Variants in SLC17A1 observed in about 807,000 individuals in gnomAD.
SLC17A1 encodes the protein solute carrier family 17 member 1, also known as sodium-dependent phosphate transport protein 1.
In SLC17A1, 51 loss-of-function variants were observed where a neutral mutation model predicts 53.5. That is an observed-to-expected ratio of 0.95 (90% CI 0.76 to 1.20). SLC17A1 has a LOEUF of 1.20. Ranked by LOEUF, SLC17A1 falls within the 50% of genes most tolerant of loss-of-function variation. The pLI is 0.00. For synonymous variants in SLC17A1, 179 were observed against 198.8 expected (o/e 0.90, Z 0.84); for missense variants, 538 against 568.2 (o/e 0.95, Z 0.54).
At chr6:25,726,274 T>C in the SLC17A1 span, 2 of 1,614,136 alleles carry the variant, frequency 1.2e-6, no homozygotes, top group Non-Finnish European at 1.7e-6. Flanking sequence ...GATCGCTAGC[T>C]GCAGGTGGCG....
At chr6:25,791,002 T>C (rs1420301256) in intron 12 of SLC17A1, among the ~76,000 whole-genome samples, 1 of 152,114 alleles carries the variant, frequency 6.6e-6, no homozygotes, top group African/African-American at 2.4e-5. Context: ...AAAAATCAGA[T>C]TCAGAAAATA....
chr6:25,756,020 C>T, the SLC17A1 span, among the ~76,000 whole-genome samples: 2 of 152,166 alleles, frequency 1.3e-5, no homozygotes, highest in Admixed American at 6.5e-5. Context: ...CCTAGCCCAT[C>T]CACCATCAAC....
At chr6:25,785,918 C>T (rs1004991274) in intron 12 of SLC17A1, among the ~76,000 whole-genome samples, 3 of 152,074 alleles carry the variant, frequency 2.0e-5, no homozygotes, top group African/African-American at 7.2e-5. Context: ...GTTTGGCAGT[C>T]CCTCAAAACG....
chr6:25,727,766 T>C, the SLC17A1 span, among the ~76,000 whole-genome samples: 1 of 152,008 alleles, frequency 6.6e-6, no homozygotes, highest in Non-Finnish European at 1.5e-5. Flanking sequence ...TCGCCTGTAA[T>C]CCCAGCACTT....
the SLC17A1 span, among the ~76,000 whole-genome samples, chr6:25,725,848 A>G: frequency 2.0e-5 from 3 of 152,128 alleles, no homozygotes; most frequent in Admixed American, 1.3e-4. Context: ...CCTCCACTGA[A>G]GTGCAAGTAC....
the SLC17A1 span, among the ~76,000 whole-genome samples, chr6:25,771,899 G>C: frequency 1.6e-4 from 25 of 152,252 alleles, no homozygotes; most frequent in Non-Finnish European, 2.4e-4. Context: ...ATTTTACTAC[G>C]TTACAGTTTT....
chr6:25,727,592 A>G, the SLC17A1 span, among the ~76,000 whole-genome samples: 1 of 151,364 alleles, frequency 6.6e-6, no homozygotes, highest in Non-Finnish European at 1.5e-5. Flanking sequence ...GGGTTTCACC[A>G]TGTTGGCCAG....
chr6:25,752,850 G>T, the SLC17A1 span, among the ~76,000 whole-genome samples: 1 of 151,904 alleles, frequency 6.6e-6, no homozygotes, highest in Non-Finnish European at 1.5e-5. Flanking sequence ...TACTCGGGAG[G>T]CTGAGGCAGG....
At chr6:25,726,630 G>A in the SLC17A1 span, 3 of 1,365,398 alleles carry the variant, frequency 2.2e-6, no homozygotes, top group East Asian at 7.0e-5. Context: ...CTGATTGGCT[G>A]ATGGCCGTCT....
chr6:25,793,875 C>T (rs1041849798), intron 12 of SLC17A1, among the ~76,000 whole-genome samples: 1 of 152,108 alleles, frequency 6.6e-6, no homozygotes, highest in African/African-American at 2.4e-5. Context: ...TATGACATTA[C>T]AATTGTGAAC....
At chr6:25,736,093 T>C in the SLC17A1 span, among the ~76,000 whole-genome samples, 1 of 119,248 alleles carries the variant, frequency 8.4e-6, no homozygotes, top group Non-Finnish European at 1.7e-5. Context: ...AAAACTTCTG[T>C]GGCTGTTGAA....
the SLC17A1 span, chr6:25,776,783 T>G: frequency 6.2e-7 from 1 of 1,613,838 alleles, no homozygotes; most frequent in South Asian, 1.1e-5. Flanking sequence ...CAGCCTTCAG[T>G]TTACTCTGTG....
the SLC17A1 span, among the ~76,000 whole-genome samples, chr6:25,735,680 C>G: frequency 1.3e-4 from 19 of 151,900 alleles, no homozygotes; most frequent in Middle Eastern, 3.4e-3. Flanking sequence ...TTTTCAAAAA[C>G]AATATGCTAT....
At chr6:25,791,978 C>T (rs1195515227) in intron 12 of SLC17A1, among the ~76,000 whole-genome samples, 3 of 152,194 alleles carry the variant, frequency 2.0e-5, no homozygotes, top group Non-Finnish European at 4.4e-5. Context: ...ACACATTCAC[C>T]TAAATCTATT....
intron 8 of SLC17A1, among the ~76,000 whole-genome samples, chr6:25,812,616 G>A (rs1316353135): frequency 2.0e-5 from 3 of 152,284 alleles, no homozygotes; most frequent in African/African-American, 7.2e-5. Context: ...ATGCATGTGT[G>A]CTGTTGCTGG....
chr6:25,819,548 G>A lies in SLC17A1; in HGVS notation c.492C>T (p.Pro164=). Reference sequence around the variant, plus strand: ...TAGAAGTAAGTCGGCCTCGTTCCAGGGGAGGAGCCCATTTGACATATATTT... The same window carrying A: ...TAGAAGTAAGTCGGCCTCGTTCCAGAGGAGGAGCCCATTTGACATATATTT... ...QFEIYVKWAP[P]LERGRLTSMS... Residue 164 remains proline, a synonymous_variant, in exon 5 of 13, where the codon CCC becomes CCT. Transcript: ENST00000244527. 1 of 1,614,110 alleles carries A rather than the reference G, an allele frequency of 6.2e-7. No individual in the cohort carries two copies. Among genetic ancestry groups the A allele is most frequent in the Non-Finnish European group, 8.5e-7 (1 of 1,179,988 alleles).
intron 10 of SLC17A1, among the ~76,000 whole-genome samples, chr6:25,801,904 A>G (rs1763774422): frequency 6.7e-6 from 1 of 148,426 alleles, no homozygotes; most frequent in Admixed American, 6.8e-5. Flanking sequence ...TCTCTTTTTG[A>G]CGATCTAGGG....
At chr6:25,773,381 A>G in the SLC17A1 span, 1 of 1,613,822 alleles carries the variant, frequency 6.2e-7, no homozygotes, top group East Asian at 2.2e-5. Context: ...TTGTGTGTTC[A>G]TTGGCTCAGC....
At chr6:25,776,829 G>A in the SLC17A1 span, 21 of 1,613,838 alleles carry the variant, frequency 1.3e-5, no homozygotes, top group African/African-American at 1.5e-4. Context: ...CTTCCCATCC[G>A]TGATCCTCGT....
Sources: gnomAD v4.1 joint callset for allele counts (sites outside exome capture counted in the v4.1 genomes callset) on GRCh38, gnomAD v4.1.1 for gene constraint, MANE v1.5 for transcripts, NCBI Gene and HGNC (gene_info 2026-07-23, HGNC 2026-07-21) for gene names.